The following SCFD2 variants were observed in gnomAD, a reference collection of about 807,000 sequenced individuals.
SCFD2 encodes the protein sec1 family domain containing 2.
Under a neutral mutation model 58.9 loss-of-function variants are expected in SCFD2, and 54 were observed. The observed-to-expected ratio is 0.92, with a 90% CI of 0.74 to 1.15. The LOEUF (loss-of-function observed/expected upper bound fraction) is 1.15. SCFD2 is among the 50% of genes most tolerant of loss of function. The pLI is 0.00. For synonymous variants in SCFD2, 321 were observed against 335.9 expected (o/e 0.96, Z 0.49); for missense variants, 805 against 836.6 (o/e 0.96, Z 0.47).
chr4:53,040,024 G>A (rs575787360), intron 5 of SCFD2, among the ~76,000 whole-genome samples: 12 of 152,148 alleles, frequency 7.9e-5, no homozygotes, highest in Non-Finnish European at 1.2e-4. Context: ...TTCCCAACAC[G>A]GCTGTTAGAG....
intron 3 of SCFD2, among the ~76,000 whole-genome samples, chr4:53,278,135 G>A (rs561578186): frequency 4.6e-5 from 7 of 152,182 alleles, no homozygotes; most frequent in African/African-American, 1.7e-4. Context: ...TGGAGGCCGA[G>A]GTGGGTGGAT....
At chr4:53,296,999 G>A (rs1243425068) in intron 3 of SCFD2, among the ~76,000 whole-genome samples, 2 of 152,198 alleles carry the variant, frequency 1.3e-5, no homozygotes, top group East Asian at 3.8e-4. Flanking sequence ...TGTGGTCTGA[G>A]AGAATGTTTG....
At chr4:53,128,975 G>A (rs1725710717) in intron 5 of SCFD2, among the ~76,000 whole-genome samples, 1 of 152,160 alleles carries the variant, frequency 6.6e-6, no homozygotes, top group Non-Finnish European at 1.5e-5. Context: ...GAGAAGAACA[G>A]TACAGATTTG....
chr4:53,264,597 C>A (rs1391482883), intron 4 of SCFD2, among the ~76,000 whole-genome samples: 1 of 152,092 alleles, frequency 6.6e-6, no homozygotes, highest in Non-Finnish European at 1.5e-5. Flanking sequence ...TAAAACAGAA[C>A]CTCCCAGGGT....
chr4:53,066,296 A>G (rs1476304908), intron 5 of SCFD2, among the ~76,000 whole-genome samples: 1 of 152,142 alleles, frequency 6.6e-6, no homozygotes, highest in East Asian at 1.9e-4. Context: ...TAAAAACTGT[A>G]CAAGAATCAT....
intron 4 of SCFD2, among the ~76,000 whole-genome samples, chr4:53,209,086 A>G (rs1182479433): frequency 1.3e-5 from 2 of 152,254 alleles, no homozygotes; most frequent in Middle Eastern, 3.4e-3. Flanking sequence ...TAAAACCAGG[A>G]AAGTTCCAGG....
intron 8 of SCFD2, among the ~76,000 whole-genome samples, chr4:52,882,005 G>A (rs1462673080): frequency 1.3e-5 from 2 of 152,128 alleles, no homozygotes; most frequent in Non-Finnish European, 2.9e-5. Flanking sequence ...TGTGAGCTTT[G>A]TAGGCCATGG....
intron 5 of SCFD2, among the ~76,000 whole-genome samples, chr4:52,941,542 A>G (rs934383310): frequency 1.1e-4 from 17 of 152,194 alleles, no homozygotes; most frequent in African/African-American, 3.9e-4. Context: ...TTATTACCCC[A>G]CTGTGTTAAA....
intron 5 of SCFD2, among the ~76,000 whole-genome samples, chr4:53,033,015 A>T (rs1722658755): frequency 6.6e-6 from 1 of 152,190 alleles, no homozygotes; most frequent in Non-Finnish European, 1.5e-5. Context: ...CAGAATATAT[A>T]CTCTTCTCAG....
chr4:53,022,276 G>A (rs369183853), intron 5 of SCFD2, among the ~76,000 whole-genome samples: 22 of 152,254 alleles, frequency 1.4e-4, no homozygotes, highest in African/African-American at 5.1e-4. Context: ...AATTGATAGT[G>A]ACAAAGAATA....
chr4:53,055,841 T>C (rs549872427), intron 5 of SCFD2, among the ~76,000 whole-genome samples: 1 of 152,210 alleles, frequency 6.6e-6, no homozygotes, highest in South Asian at 2.1e-4. Flanking sequence ...TTGGAGTGTG[T>C]GCCCACTTGC....
At chr4:53,047,688 C>T (rs1468172816) in intron 5 of SCFD2, among the ~76,000 whole-genome samples, 1 of 152,158 alleles carries the variant, frequency 6.6e-6, no homozygotes, top group Non-Finnish European at 1.5e-5. Context: ...CAATTTTTGG[C>T]TCTGTGGTTC....
chr4:53,236,831 TA>T (rs1729632864), intron 4 of SCFD2, among the ~76,000 whole-genome samples: 1 of 140,276 alleles, frequency 7.1e-6, no homozygotes, highest in South Asian at 2.3e-4. Context: ...TTTATTTATT[TA>T]TTTATTTATT....
chr4:53,144,722 A>T (rs1359107111), intron 5 of SCFD2, among the ~76,000 whole-genome samples: 6 of 151,918 alleles, frequency 3.9e-5, no homozygotes, highest in Admixed American at 3.9e-4. Context: ...CCTTACAGAT[A>T]ATACTCTCTG....
At chr4:52,904,207 T>C (rs1719291545) in intron 7 of SCFD2, among the ~76,000 whole-genome samples, 1 of 152,214 alleles carries the variant, frequency 6.6e-6, no homozygotes, top group Non-Finnish European at 1.5e-5. Flanking sequence ...AGGACAGAGA[T>C]GGATGAGCGG....
At chr4:53,256,170 G>C (rs1294696817) in intron 4 of SCFD2, among the ~76,000 whole-genome samples, 2 of 150,936 alleles carry the variant, frequency 1.3e-5, no homozygotes, top group Non-Finnish European at 2.9e-5. Context: ...TTCTCAGACG[G>C]GGCGGCTGCC....
chr4:53,264,449 A>C lies in SCFD2; in HGVS notation c.1311+9377T>G, dbSNP rs540983281. On this transcript the variant is annotated intron_variant, in intron 4 of 8. Transcript: ENST00000401642. ...TCCGCCATCTTAATCCAAATCTCCAAAGATGCTTTTGCAAGTAACAATACC... is the reference window on the plus strand; with the variant it reads ...TCCGCCATCTTAATCCAAATCTCCACAGATGCTTTTGCAAGTAACAATACC... 1.7e-4 allele frequency among the ~76,000 whole-genome samples: 26 copies of C among 152,312 alleles called. No individual in the cohort carries two copies. In the East Asian group the frequency reaches 5.0e-3, roughly 29 times the overall value.
intron 4 of SCFD2, among the ~76,000 whole-genome samples, chr4:53,232,143 G>A (rs1729458971): frequency 6.6e-6 from 1 of 151,970 alleles, no homozygotes; most frequent in Non-Finnish European, 1.5e-5. Context: ...TATGAATCCA[G>A]AATGTTGCAA....
At chr4:53,296,109 G>A (rs1732020953) in intron 3 of SCFD2, among the ~76,000 whole-genome samples, 1 of 152,092 alleles carries the variant, frequency 6.6e-6, no homozygotes, top group African/African-American at 2.4e-5. Context: ...TTTTTGTGTT[G>A]TGTCTCTGTC....
Sources: gnomAD v4.1 joint callset for allele counts (sites outside exome capture counted in the v4.1 genomes callset) on GRCh38, gnomAD v4.1.1 for gene constraint, MANE v1.5 for transcripts, NCBI Gene and HGNC (gene_info 2026-07-23, HGNC 2026-07-21) for gene names.